The following APPL2 variants were observed in gnomAD, a reference collection of about 807,000 sequenced individuals.
APPL2 encodes the protein adaptor protein, phosphotyrosine interacting with PH domain and leucine zipper 2, also known as DCC-interacting protein 13-beta.
A neutral mutation model predicts 92.7 loss-of-function variants in APPL2; 84 were observed. The ratio of observed to expected loss-of-function variants is 0.91; its 90% CI spans 0.76 to 1.09. APPL2 has a LOEUF of 1.09. Ranked by LOEUF, APPL2 falls within the 50% of genes least tolerant of loss-of-function variation. APPL2 has a pLI of 0.00. For missense variants in APPL2, 736 were observed against 824.5 expected, an observed-to-expected ratio of 0.89 and a Z score of 1.31; for synonymous variants, 291 against 291.0, an observed-to-expected ratio of 1.00 and a Z score of 0.00.
intron 2 of APPL2, among the ~76,000 whole-genome samples, chr12:105,218,731 T>C (rs1592825470): frequency 1.3e-5 from 2 of 152,310 alleles, no homozygotes; most frequent in East Asian, 3.9e-4. Context: ...TGAAGCAGCA[T>C]ATGACAAGGT....
intron 11 of APPL2, among the ~76,000 whole-genome samples, chr12:105,195,845 A>G (rs1887593918): frequency 6.6e-6 from 1 of 152,174 alleles, no homozygotes; most frequent in Non-Finnish European, 1.5e-5. Context: ...GCTTGAGCCC[A>G]GGAGTTCGAG....
intron 1 of APPL2, among the ~76,000 whole-genome samples, chr12:105,232,763 CAAAAAAAAAAAA>C (rs55939711): frequency 2.6e-5 from 2 of 78,014 alleles, no homozygotes; most frequent in Non-Finnish European, 4.9e-5. Context: ...GACCCTGTCT[CAAAAAAAAAAAA>C]AAAAAAAAAA....
intron 1 of APPL2, among the ~76,000 whole-genome samples, chr12:105,229,471 C>A (rs939190754): frequency 2.6e-5 from 4 of 152,128 alleles, no homozygotes; most frequent in Non-Finnish European, 5.9e-5. Flanking sequence ...CCAGAAAAGC[C>A]AGTTTTTAAA....
At position 105,176,020 on chromosome 12, in the gene APPL2, T is replaced by C; in HGVS notation, c.1860+15A>G. On this transcript the variant is annotated intron_variant, in intron 20 of 20. Transcript: ENST00000258530. ...TTTTGAGTAGCTACTAAACCAGCGC[T>C]AGAATGCATCTTACCTTCTGAACCT... is the stretch of plus-strand genomic sequence containing the variant. 1 of 1,572,306 alleles carries C rather than the reference T, an allele frequency of 6.4e-7. No individual in the cohort carries two copies. The highest frequency in any genetic ancestry group is 8.6e-7 in the Non-Finnish European group (1 of 1,163,238).
chr12:105,213,142 A>G (rs1156649208), intron 4 of APPL2, among the ~76,000 whole-genome samples: 3 of 152,238 alleles, frequency 2.0e-5, no homozygotes, highest in East Asian at 1.9e-4. Flanking sequence ...CTGATGCCAT[A>G]TAAGATGGAG....
chr12:105,183,243 T>A (rs1886291110), intron 17 of APPL2, among the ~76,000 whole-genome samples: 1 of 152,164 alleles, frequency 6.6e-6, no homozygotes. Flanking sequence ...ATTGGGGCAT[T>A]TAGCCTGTTT....
Position 105,189,661 on chromosome 12 carries a change from T to G in APPL2, c.1459+111A>C, listed in dbSNP as rs567929435. ...ACTAAACTTTCAGAACAACAAATCTTAATTCATACTCCTAATCATAGCTCT... is the reference window on the plus strand; with the variant it reads ...ACTAAACTTTCAGAACAACAAATCTGAATTCATACTCCTAATCATAGCTCT... On this transcript the variant is annotated intron_variant, in intron 16 of 20. Transcript: ENST00000258530. 10 of 1,234,346 alleles carry G rather than the reference T, an allele frequency of 8.1e-6. No homozygotes were observed. In the East Asian group the frequency reaches 2.4e-4, roughly 29 times the overall value. The allele number at this position is 1,234,346 out of a possible 1,614,324, so 76.5% of individuals were successfully genotyped here.
chr12:105,211,897 G>A (rs1388323009), intron 4 of APPL2, among the ~76,000 whole-genome samples: 1 of 152,096 alleles, frequency 6.6e-6, no homozygotes, highest in East Asian at 1.9e-4. Flanking sequence ...GAGGCAGGCG[G>A]ATCATGAGGT....
At position 105,181,726 on chromosome 12, in the gene APPL2, T is replaced by C. The variant is rs190120360; in HGVS notation, c.1635-4464A>G. Among the ~76,000 whole-genome samples the C allele has an allele frequency of 3.0e-4, 45 of 152,344 alleles. 1 individual carries two copies. The highest frequency in any genetic ancestry group is 2.2e-3 in the Admixed American group (34 of 15,306). On this transcript the variant is annotated intron_variant, in intron 17 of 20. Coordinates refer to ENST00000258530, the MANE Select transcript of APPL2 (RefSeq NM_018171.5). ...TGTCCAGGAATTTATCCATTTCTTC[T>C]AGATTTTCTAGTTTATTTGCATACA...
intron 8 of APPL2, among the ~76,000 whole-genome samples, chr12:105,204,171 A>G (rs1888492898): frequency 6.6e-6 from 1 of 152,208 alleles, no homozygotes; most frequent in Admixed American, 6.5e-5. Context: ...TTCTACAGCC[A>G]TGACTTTTAC....
rs1221506663 is a variant in APPL2 at position 105,236,020 on chromosome 12, C to G, written c.-8G>C. The stretch of plus-strand genomic sequence containing the variant: ...CTTGTCCACGGCGGGCATGGTGCGG[C>G]GCGGCTCAGCCGAGGGCTGGGTTGG... On this transcript the variant is annotated 5_prime_UTR_variant, in exon 1 of 21. Coordinates refer to ENST00000258530, the MANE Select transcript of APPL2 (RefSeq NM_018171.5). The G allele has an allele frequency of 8.8e-6, 11 of 1,245,588 alleles. No homozygotes were observed. In the Admixed American group the frequency reaches 4.6e-4, roughly 52 times the overall value. 77.2% of individuals were successfully genotyped at this position (1,245,588 alleles called of 1,614,324 possible).
chr12:105,178,552 GC>G (rs1885778900), intron 17 of APPL2, among the ~76,000 whole-genome samples: 1 of 152,236 alleles, frequency 6.6e-6, no homozygotes, highest in Admixed American at 6.5e-5. Flanking sequence ...ACACCCCCAT[GC>G]CCCCAACAAA....
chr12:105,211,599 G>A (rs573818954), intron 4 of APPL2, among the ~76,000 whole-genome samples: 7 of 152,290 alleles, frequency 4.6e-5, no homozygotes, highest in Non-Finnish European at 8.8e-5. Flanking sequence ...TGCTTCTTCT[G>A]TGTTCCCACT....
chr12:105,186,667 T>TATATGATATATTATATCATATATATATC (rs1886708024), intron 17 of APPL2, among the ~76,000 whole-genome samples: 22 of 33,138 alleles, frequency 6.6e-4, no homozygotes, highest in Middle Eastern at 0.015. Flanking sequence ...ATATATATCA[T>TATATGATATATTATATCATATATATATC]ATATATGATA....
chr12:105,218,014 G>A (rs987296860), intron 2 of APPL2, among the ~76,000 whole-genome samples: 2 of 152,114 alleles, frequency 1.3e-5, no homozygotes, highest in African/African-American at 4.8e-5. Flanking sequence ...AGGCTAAGAT[G>A]GGAGGACCCC....
At chr12:105,195,699 G>C in intron 11 of APPL2, 72 bp from the exon 12 acceptor site, 1 of 1,549,040 alleles carries the variant, frequency 6.5e-7, no homozygotes, top group Non-Finnish European at 8.9e-7. Context: ...TACATAAACT[G>C]AACTTAGCTG....
At position 105,224,362 on chromosome 12, in the gene APPL2, A is replaced by G. The variant is rs188556018; in HGVS notation, c.153+4763T>C. Among the ~76,000 whole-genome samples, 4 of 152,364 alleles carry G rather than the reference A, an allele frequency of 2.6e-5. No homozygotes were observed. The East Asian group carries it at 5.8e-4, about 22-fold the overall frequency. ...CAAAAAGGAACTGGGTCCTGCCTCT[A>G]GCGTATTACAAAGCTGTGGGCTGAT... is the stretch of plus-strand genomic sequence containing the variant. On this transcript the variant is annotated intron_variant, in intron 2 of 20. Transcript: ENST00000258530.
At chr12:105,183,485 G>C (rs56693261) in intron 17 of APPL2, among the ~76,000 whole-genome samples, 25,881 of 152,088 alleles carry the variant, frequency 0.17, 2,469 homozygotes, top group East Asian at 0.25. Context: ...TTGCTTGTCT[G>C]TAAAGGATTT....
intron 5 of APPL2, among the ~76,000 whole-genome samples, chr12:105,208,904 T>A (rs1359566126): frequency 6.6e-6 from 1 of 152,158 alleles, no homozygotes; most frequent in African/African-American, 2.4e-5. Flanking sequence ...TCTACAACAA[T>A]CCATTTTCAT....
Sources: gnomAD v4.1 joint callset for allele counts (sites outside exome capture counted in the v4.1 genomes callset) on GRCh38, gnomAD v4.1.1 for gene constraint, MANE v1.5 for transcripts, NCBI Gene and HGNC (gene_info 2026-07-23, HGNC 2026-07-21) for gene names.